Variants in ARHGAP22 observed in about 807,000 individuals in gnomAD.
ARHGAP22 encodes rho GTPase-activating protein 22.
In ARHGAP22, 48 loss-of-function variants were observed where a neutral mutation model predicts 59.1. That is an observed-to-expected ratio of 0.81 (90% CI 0.64 to 1.03). ARHGAP22 has a LOEUF of 1.03. Among genes scored for constraint, ARHGAP22 ranks in the 50% least tolerant of loss-of-function variants. The pLI is 0.00. For missense variants in ARHGAP22, 1,015 were observed against 958.7 expected (o/e 1.06, Z -0.78); for synonymous variants, 445 against 416.4 (o/e 1.07, Z -0.84).
At chr10:48,597,605 A>C (rs942869786) in intron 1 of ARHGAP22, among the ~76,000 whole-genome samples, 15 of 152,140 alleles carry the variant, frequency 9.9e-5, no homozygotes, top group African/African-American at 3.6e-4. Context: ...TTAAGTGCTG[A>C]GTGAACAGTG....
chr10:48,589,364 C>T (rs2059619239), intron 1 of ARHGAP22, among the ~76,000 whole-genome samples: 1 of 152,140 alleles, frequency 6.6e-6, no homozygotes. Context: ...TTCCTCCATC[C>T]TCCCAAATCC....
At chr10:48,564,263 G>T (rs571974079) in intron 2 of ARHGAP22, among the ~76,000 whole-genome samples, 1 of 152,282 alleles carries the variant, frequency 6.6e-6, no homozygotes, top group Non-Finnish European at 1.5e-5. Context: ...GAAATGACTT[G>T]TTCATCTGTC....
At position 48,619,500 on chromosome 10, in the gene ARHGAP22, C is replaced by T. The variant is rs2061208946; in HGVS notation, c.52+32734G>A. 2.6e-5 allele frequency among the ~76,000 whole-genome samples: 4 copies of T among 152,108 alleles called. 1 individual carries two copies. The highest frequency in any genetic ancestry group is 2.1e-4 in the South Asian group (1 of 4,830). ...ACTGGCATAAAAACAAACACATAGA[C>T]CAATGGCAGAGAATAGAGAGCACAG... On this transcript the variant is annotated intron_variant, in intron 1 of 9. Coordinates refer to the ARHGAP22 transcript ENST00000435790.
intron 1 of ARHGAP22, among the ~76,000 whole-genome samples, chr10:48,597,422 G>T (rs1425928338): frequency 6.6e-6 from 1 of 152,100 alleles, no homozygotes; most frequent in Non-Finnish European, 1.5e-5. Context: ...CTTAGCAGTG[G>T]GTGAGGAGAG....
chr10:48,548,219 C>G (rs1297918194), intron 3 of ARHGAP22, among the ~76,000 whole-genome samples: 2 of 152,188 alleles, frequency 1.3e-5, no homozygotes, highest in East Asian at 1.9e-4. Flanking sequence ...AGCCGCTTGC[C>G]CCTTCCACAA....
intron 2 of ARHGAP22, among the ~76,000 whole-genome samples, chr10:48,578,916 T>C (rs566321269): frequency 6.6e-5 from 10 of 152,228 alleles, no homozygotes; most frequent in African/African-American, 1.9e-4. Flanking sequence ...CCTTTTTTTT[T>C]CCGTTCTTTT....
chr10:48,502,138 GCTCTGTTCCC>G (rs1313760007), intron 3 of ARHGAP22, among the ~76,000 whole-genome samples: 1 of 152,216 alleles, frequency 6.6e-6, no homozygotes, highest in Admixed American at 6.5e-5. Flanking sequence ...AATGGTTTCA[GCTCTGTTCCC>G]CTTTCACTAG....
In ARHGAP22 at chr10:48,479,753, C is replaced by G. The variant is rs372786058; in HGVS notation, c.334G>C (p.Glu112Gln). Residue 112 changes from glutamate to glutamine, a missense_variant, in exon 4 of 10, where the codon GAG becomes CAG. Transcript: ENST00000249601. ...LFEISPGGAG[E>Q]REKVPANPEA... Reference sequence around the variant, plus strand: ...GGGTTGGCCGGCACCTTCTCCCGCTCCCCGGCACCACCTGCAAGACAGGGA... The same window carrying G: ...GGGTTGGCCGGCACCTTCTCCCGCTGCCCGGCACCACCTGCAAGACAGGGA... 6.3e-7 allele frequency: 1 copy of G among 1,591,398 alleles called. No homozygotes were observed. The highest frequency in any genetic ancestry group is 1.7e-5 in the Admixed American group (1 of 58,434).
At chr10:48,523,926 T>G in intron 3 of ARHGAP22, 2 of 698,922 alleles carry the variant, frequency 2.9e-6, no homozygotes. Context: ...CAGCCGCACC[T>G]GAGCCCTTTC....
intron 3 of ARHGAP22, among the ~76,000 whole-genome samples, chr10:48,489,247 G>A (rs2050136675): frequency 6.6e-6 from 1 of 152,112 alleles, no homozygotes; most frequent in Non-Finnish European, 1.5e-5. Flanking sequence ...CCCAGTCCCA[G>A]GCAGTCTTCA....
the ARHGAP22 span, chr10:48,438,794 C>CT: frequency 6.6e-6 from 1 of 152,106 alleles, no homozygotes; most frequent in Admixed American, 6.5e-5. Context: ...CGTGTAAAAT[C>CT]TTTGACTGTA....
intron 1 of ARHGAP22, among the ~76,000 whole-genome samples, chr10:48,623,453 G>T (rs2061349490): frequency 6.6e-6 from 1 of 152,148 alleles, no homozygotes; most frequent in Non-Finnish European, 1.5e-5. Context: ...CATCCACTTA[G>T]TTATCTGTTG....
chr10:48,629,289 G>A (rs1438016628), intron 1 of ARHGAP22, among the ~76,000 whole-genome samples: 1 of 152,218 alleles, frequency 6.6e-6, no homozygotes, highest in Non-Finnish European at 1.5e-5. Flanking sequence ...TGAGGCTGCT[G>A]TTGTGCCTGC....
chr10:48,571,604 C>T (rs952226584), intron 2 of ARHGAP22, among the ~76,000 whole-genome samples: 1 of 152,194 alleles, frequency 6.6e-6, no homozygotes, highest in Admixed American at 6.5e-5. Context: ...GGTGATAGTA[C>T]TCATTCCTAA....
At chr10:48,655,249 GTGTGTGT>G (rs796949624), upstream of ARHGAP22, among the ~76,000 whole-genome samples, 89 of 10,776 alleles carry the variant, frequency 8.3e-3, no homozygotes, top group African/African-American at 0.019. Context: ...GGATGTGTGT[GTGTGTGT>G]GGGGGGGGGG....
upstream of ARHGAP22, among the ~76,000 whole-genome samples, chr10:48,609,801 T>C (rs1158622014): frequency 2.6e-5 from 4 of 152,200 alleles, no homozygotes; most frequent in Non-Finnish European, 5.9e-5. Context: ...GCGAGATCTT[T>C]AGAGGAGTAC....
rs537834127 is a variant in ARHGAP22, at chr10:48,478,761, C to T, written c.451+875G>A. 1.8e-4 allele frequency among the ~76,000 whole-genome samples: 27 copies of T among 152,290 alleles called. No individual in the cohort carries two copies. In the South Asian group the frequency reaches 5.4e-3, roughly 30 times the overall value. Reference sequence around the variant, plus strand: ...TTTCATTTCTCTCATACCCCATGTCCAGACCATAGGCAAAACCTGGCAGCT... The same window carrying T: ...TTTCATTTCTCTCATACCCCATGTCTAGACCATAGGCAAAACCTGGCAGCT... On this transcript the variant is annotated intron_variant, in intron 4 of 9. Coordinates refer to ENST00000249601, the MANE Select transcript of ARHGAP22 (RefSeq NM_021226.4).
intron 1 of ARHGAP22, among the ~76,000 whole-genome samples, chr10:48,599,718 C>G (rs1008749577): frequency 3.3e-5 from 5 of 152,328 alleles, no homozygotes; most frequent in Middle Eastern, 3.4e-3. Flanking sequence ...CATCAGTTCC[C>G]CCTCCCCTTT....
At chr10:48,552,727 C>A (rs1342484720) in intron 3 of ARHGAP22, among the ~76,000 whole-genome samples, 1 of 152,230 alleles carries the variant, frequency 6.6e-6, no homozygotes, top group Non-Finnish European at 1.5e-5. Context: ...TGAGGTCACA[C>A]GAGAGGTTTG....
Sources: gnomAD v4.1 joint callset for allele counts (sites outside exome capture counted in the v4.1 genomes callset) on GRCh38, gnomAD v4.1.1 for gene constraint, MANE v1.5 for transcripts, NCBI Gene and HGNC (gene_info 2026-07-23, HGNC 2026-07-21) for gene names.